EYA1: variants seen among roughly 807,000 people sequenced by gnomAD.
EYA1 encodes the protein protein phosphatase EYA1.
A neutral mutation model predicts 82.0 loss-of-function variants in EYA1; 16 were observed. That is an observed-to-expected ratio of 0.20 (90% CI 0.13 to 0.30). The LOEUF (loss-of-function observed/expected upper bound fraction) is 0.30. EYA1 is among the 10% of genes least tolerant of loss of function. EYA1 has a pLI of 1.00. For missense variants in EYA1, 633 were observed against 730.7 expected, an observed-to-expected ratio of 0.87 and a Z score of 1.54; for synonymous variants, 261 against 264.4, an observed-to-expected ratio of 0.99 and a Z score of 0.12.
chr8:71,329,820 A>G (rs886287560), intron 4 of EYA1, among the ~76,000 whole-genome samples: 8 of 152,202 alleles, frequency 5.3e-5, no homozygotes, highest in Non-Finnish European at 4.4e-5. Flanking sequence ...AAAACTAAAC[A>G]TAATACACAA....
intron 9 of EYA1, among the ~76,000 whole-genome samples, chr8:71,276,874 T>A (rs1001726268): frequency 6.6e-5 from 10 of 152,220 alleles, no homozygotes; most frequent in Admixed American, 2.0e-4. Flanking sequence ...CATGACTCAG[T>A]TTTTTCATTT....
At chr8:71,302,577 G>GCAAAA in intron 7 of EYA1, among the ~76,000 whole-genome samples, 12 of 101,250 alleles carry the variant, frequency 1.2e-4, no homozygotes, top group African/African-American at 3.5e-4. Context: ...TGGCTTTGGA[G>GCAAAA]ACTTAATGCA....
intron 7 of EYA1, among the ~76,000 whole-genome samples, 190 bp from the exon 8 acceptor site, chr8:71,299,910 AAG>A (rs1820019428): frequency 6.6e-6 from 1 of 152,196 alleles, no homozygotes; most frequent in Non-Finnish European, 1.5e-5. Context: ...TTAAAAAACA[AAG>A]AGGTTTAAAT....
chr8:71,440,518 C>T (rs1206410699), intron 2 of EYA1, among the ~76,000 whole-genome samples: 1 of 152,142 alleles, frequency 6.6e-6, no homozygotes, highest in Non-Finnish European at 1.5e-5. Flanking sequence ...AAGACTTGGG[C>T]AGCTATGTCA....
upstream of EYA1, among the ~76,000 whole-genome samples, chr8:71,363,201 A>C (rs1295348857): frequency 1.3e-5 from 2 of 152,198 alleles, no homozygotes; most frequent in Non-Finnish European, 2.9e-5. Flanking sequence ...AAAATTTTAA[A>C]AATCACAATA....
chr8:71,505,519 A>G (rs985289815), intron 2 of EYA1, among the ~76,000 whole-genome samples: 3 of 152,210 alleles, frequency 2.0e-5, no homozygotes, highest in Non-Finnish European at 4.4e-5. Context: ...GACCATCCAC[A>G]TAGGAGAAGG....
At chr8:71,321,589 G>T in intron 6 of EYA1, 145 bp downstream of exon 6, 1 of 1,090,154 alleles carries the variant, frequency 9.2e-7, no homozygotes. Context: ...ATGCTCTTTA[G>T]AAACAATCAT....
intron 2 of EYA1, among the ~76,000 whole-genome samples, chr8:71,479,777 G>A (rs541909861): frequency 6.6e-6 from 1 of 152,230 alleles, no homozygotes; most frequent in South Asian, 2.1e-4. Context: ...ACAGTGGATA[G>A]GGTTTCCTAA....
chr8:71,363,438 A>G (rs1031724308), upstream of EYA1, among the ~76,000 whole-genome samples: 1 of 152,162 alleles, frequency 6.6e-6, no homozygotes, highest in Non-Finnish European at 1.5e-5. Flanking sequence ...CATAAACGAC[A>G]GTTTAAACTG....
intron 17 of EYA1, among the ~76,000 whole-genome samples, chr8:71,208,494 T>C (rs868826786): frequency 2.0e-5 from 3 of 152,196 alleles, no homozygotes; most frequent in African/African-American, 7.2e-5. Context: ...TAAAATCTTT[T>C]AACTAAAACC....
At chr8:71,284,183 G>T (rs1818127667) in intron 9 of EYA1, among the ~76,000 whole-genome samples, 1 of 152,218 alleles carries the variant, frequency 6.6e-6, no homozygotes, top group Non-Finnish European at 1.5e-5. Context: ...TCTTCTGGAG[G>T]TTTGGGCCTA....
intron 2 of EYA1, among the ~76,000 whole-genome samples, chr8:71,502,793 A>C (rs1811907975): frequency 6.6e-6 from 1 of 152,186 alleles, no homozygotes; most frequent in Non-Finnish European, 1.5e-5. Flanking sequence ...GCCAGTCAAC[A>C]ACTCTGCTAC....
At chr8:71,360,578 C>T (rs1330588518) in intron 1 of EYA1, among the ~76,000 whole-genome samples, 1 of 152,100 alleles carries the variant, frequency 6.6e-6, no homozygotes, top group East Asian at 1.9e-4. Flanking sequence ...CACTTTGGGC[C>T]TTGGGAGAAC....
At chr8:71,536,105 G>A (rs1177827621) in intron 1 of EYA1, among the ~76,000 whole-genome samples, 4 of 152,194 alleles carry the variant, frequency 2.6e-5, no homozygotes, top group Non-Finnish European at 4.4e-5. Flanking sequence ...GGATGGTAGG[G>A]AGGCAGGGGG....
At chr8:71,424,304 C>T (rs1163773587) in intron 2 of EYA1, among the ~76,000 whole-genome samples, 1 of 152,136 alleles carries the variant, frequency 6.6e-6, no homozygotes, top group African/African-American at 2.4e-5. Flanking sequence ...AATCCTAAAA[C>T]ATCTGAGTCA....
chr8:71,211,472 GA>G (rs1193883123), intron 16 of EYA1, among the ~76,000 whole-genome samples: 1 of 152,176 alleles, frequency 6.6e-6, no homozygotes, highest in African/African-American at 2.4e-5. Flanking sequence ...CTGTCCTTTG[GA>G]AATTGATAGT....
chr8:71,273,876 G>A (rs1019436064), intron 9 of EYA1, among the ~76,000 whole-genome samples: 12 of 152,146 alleles, frequency 7.9e-5, no homozygotes, highest in African/African-American at 1.2e-4. Context: ...TTGACTTACC[G>A]ACAGTATAAT....
chr8:71,259,731 G>A (rs7829411), intron 11 of EYA1, among the ~76,000 whole-genome samples: 20,807 of 152,116 alleles, frequency 0.14, 1,600 homozygotes, highest in African/African-American at 0.2. Context: ...AAGTTGAAGG[G>A]AAACCTGTTG....
chr8:71,380,177 T>C (rs1371917964), intron 2 of EYA1, among the ~76,000 whole-genome samples: 1 of 152,226 alleles, frequency 6.6e-6, no homozygotes, highest in African/African-American at 2.4e-5. Flanking sequence ...TGATGTTAAA[T>C]GTCACTTTTT....
Sources: allele counts gnomAD v4.1 joint callset (sites outside exome capture counted in the v4.1 genomes callset), GRCh38; gene constraint gnomAD v4.1.1; transcripts MANE v1.5; gene names NCBI Gene and HGNC (gene_info 2026-07-23, HGNC 2026-07-21).